Variants in ERICH3 observed in about 807,000 individuals in gnomAD.
ERICH3 encodes glutamate-rich protein 3.
ERICH3 carries 126 observed loss-of-function variants against 131.1 expected under a neutral mutation model. The observed-to-expected ratio is 0.96, with a 90% CI of 0.83 to 1.11. The LOEUF (loss-of-function observed/expected upper bound fraction) is 1.11, where lower values mean the gene tolerates loss of function less well. ERICH3 is among the 50% of genes most tolerant of loss of function. ERICH3 has a pLI of 0.00. For synonymous variants in ERICH3, 695 were observed against 644.6 expected (o/e 1.08, Z -1.18); for missense variants, 2,050 against 1,810.7 (o/e 1.13, Z -2.40).
At chr1:74,608,958 T>C (rs1238103340) in intron 9 of ERICH3, among the ~76,000 whole-genome samples, 1 of 152,054 alleles carries the variant, frequency 6.6e-6, no homozygotes, top group Non-Finnish European at 1.5e-5. Context: ...CCCTACTGCA[T>C]GCACAGACTT....
At position 74,572,376 on chromosome 1, in the gene ERICH3, C is replaced by T. The variant is rs757852992; in HGVS notation, c.3334G>A (p.Glu1112Lys). ...TTTGGGGGAGCTTTTGTCTCTTCCT[C>T]AGCTCTTACTTCTGTCTCTGTTTCC... ...EGETETEVRA[E>K]EETKAPPNEM... The change falls in exon 14 of 15, where the codon GAG (glutamate) becomes AAG (lysine). Residue 1112 changes from glutamate (E) to lysine (K), a missense_variant. Transcript: ENST00000326665. 5.6e-6 allele frequency: 9 copies of T among 1,613,834 alleles called. No homozygotes were observed. The highest frequency in any genetic ancestry group is 7.6e-6 in the Non-Finnish European group (9 of 1,180,024).
At chr1:74,646,334 G>A (rs1646482895) in intron 3 of ERICH3, among the ~76,000 whole-genome samples, 1 of 152,034 alleles carries the variant, frequency 6.6e-6, no homozygotes, top group Non-Finnish European at 1.5e-5. Context: ...GTATGTTTTA[G>A]AGTAGCCATT....
intron 12 of ERICH3, among the ~76,000 whole-genome samples, chr1:74,583,268 G>A (rs185468521): frequency 1.3e-5 from 2 of 152,196 alleles, no homozygotes; most frequent in African/African-American, 4.8e-5. Context: ...CCCCTTATCT[G>A]CAGGGTATAT....
intron 5 of ERICH3, among the ~76,000 whole-genome samples, chr1:74,640,904 A>G (rs971304117): frequency 3.3e-5 from 5 of 152,168 alleles, no homozygotes; most frequent in East Asian, 1.9e-4. Flanking sequence ...CAGAAAATAT[A>G]GAATATGTAT....
At chr1:74,579,137 C>A (rs1316619004) in intron 12 of ERICH3, among the ~76,000 whole-genome samples, 1 of 152,010 alleles carries the variant, frequency 6.6e-6, no homozygotes, top group Non-Finnish European at 1.5e-5. Flanking sequence ...AGTTAAATAT[C>A]ATTTTACTAT....
intron 8 of ERICH3, among the ~76,000 whole-genome samples, chr1:74,620,529 C>T (rs1319393922): frequency 6.6e-6 from 1 of 152,186 alleles, no homozygotes; most frequent in Non-Finnish European, 1.5e-5. Context: ...CAAATCCTTT[C>T]TTCCACAATC....
rs545973650 is a variant in ERICH3, at chr1:74,646,903, C to T, written c.118-111G>A. The T allele has an allele frequency of 2.9e-4, 79 of 268,284 alleles. 1 individual carries two copies. The highest frequency in any genetic ancestry group is 1.8e-3 in the African/African-American group (74 of 41,288). The allele number at this position is 268,284 out of a possible 1,614,324, so 16.6% of individuals were successfully genotyped here. Reference sequence around the variant, plus strand: ...GAAGACAGACAGACACACACACACACACACACACACACAGAGAGAGAAAGA... The same window carrying T: ...GAAGACAGACAGACACACACACACATACACACACACACAGAGAGAGAAAGA... On this transcript the variant is annotated intron_variant, in intron 2 of 14. Coordinates refer to ENST00000326665, the MANE Select transcript of ERICH3 (RefSeq NM_001002912.5).
intron 8 of ERICH3, among the ~76,000 whole-genome samples, chr1:74,618,138 G>T (rs1039105564): frequency 3.9e-5 from 6 of 152,042 alleles, no homozygotes; most frequent in African/African-American, 1.4e-4. Flanking sequence ...CTCTAGTCTG[G>T]GTGAGAGAGA....
At chr1:74,584,008 A>C (rs1481520690) in intron 12 of ERICH3, among the ~76,000 whole-genome samples, 1 of 152,180 alleles carries the variant, frequency 6.6e-6, no homozygotes, top group East Asian at 1.9e-4. Context: ...CACCATAAAG[A>C]TATGCCCAAC....
At chr1:74,587,317 T>G (rs893348915) in intron 12 of ERICH3, among the ~76,000 whole-genome samples, 1 of 92,448 alleles carries the variant, frequency 1.1e-5, no homozygotes, top group African/African-American at 5.1e-5. Context: ...AGAATGAGAC[T>G]CCATCTCAAA....
At chr1:74,627,109 T>C (rs1360663302) in intron 7 of ERICH3, among the ~76,000 whole-genome samples, 1 of 152,160 alleles carries the variant, frequency 6.6e-6, no homozygotes, top group Admixed American at 6.6e-5. Context: ...AACTCAAGTA[T>C]TAATGTAAAA....
chr1:74,587,025 G>A (rs910573744), intron 12 of ERICH3, among the ~76,000 whole-genome samples: 5 of 151,782 alleles, frequency 3.3e-5, no homozygotes, highest in East Asian at 1.9e-4. Flanking sequence ...CATATATTAC[G>A]GCTTAACAAA....
rs573198753 is a variant in ERICH3 at position 74,644,363 on chromosome 1, C to T, written c.244-1265G>A. Among the ~76,000 whole-genome samples the T allele has an allele frequency of 2.6e-5, 4 of 152,208 alleles. No homozygotes were observed. In the South Asian group the frequency reaches 8.3e-4, roughly 32 times the overall value. ...ACTTGCCACTTCCCTACTGCTGAAACTACTTTTGCCAAGTCCACCAATGTT... is the reference window on the plus strand; with the variant it reads ...ACTTGCCACTTCCCTACTGCTGAAATTACTTTTGCCAAGTCCACCAATGTT... On this transcript the variant is annotated intron_variant, in intron 3 of 14. Coordinates refer to ENST00000326665, the MANE Select transcript of ERICH3 (RefSeq NM_001002912.5).
At chr1:74,645,401 T>C (rs1388333142) in intron 3 of ERICH3, among the ~76,000 whole-genome samples, 1 of 151,714 alleles carries the variant, frequency 6.6e-6, no homozygotes, top group Non-Finnish European at 1.5e-5. Flanking sequence ...CTATTATGTT[T>C]ATATATTATT....
intron 12 of ERICH3, among the ~76,000 whole-genome samples, chr1:74,583,694 G>A (rs114088286): frequency 0.015 from 2,242 of 152,202 alleles, 55 homozygotes; most frequent in African/African-American, 0.052. Flanking sequence ...AATGGTTTAC[G>A]CCCTGAAACA....
intron 2 of ERICH3, among the ~76,000 whole-genome samples, chr1:74,648,655 C>T (rs1040039056): frequency 1.3e-5 from 2 of 152,044 alleles, no homozygotes; most frequent in African/African-American, 4.8e-5. Flanking sequence ...CTCTTTCTTT[C>T]CATGGAATAC....
chr1:74,609,003 C>CA (rs147414184), intron 9 of ERICH3, among the ~76,000 whole-genome samples: 2,529 of 152,100 alleles, frequency 0.017, 85 homozygotes, highest in African/African-American at 0.058. Context: ...ATTGGACAAA[C>CA]AAAGTGAGTA....
Position 74,650,391 on chromosome 1 carries a change from T to G in ERICH3, c.24-1076A>C, listed in dbSNP as rs550941860. ...TATCCTTCATTAATTATTCAGTAAC[T>G]TACAAAAACATGCACGCACATATGT... On this transcript the variant is annotated intron_variant, in intron 1 of 14. Coordinates refer to ENST00000326665, the MANE Select transcript of ERICH3 (RefSeq NM_001002912.5). 2.6e-5 allele frequency among the ~76,000 whole-genome samples: 4 copies of G among 152,148 alleles called. No individual in the cohort carries two copies. The South Asian group carries it at 8.3e-4, about 31-fold the overall frequency.
At chr1:74,652,634 T>G (rs1646547257) in intron 1 of ERICH3, among the ~76,000 whole-genome samples, 1 of 152,090 alleles carries the variant, frequency 6.6e-6, no homozygotes, top group South Asian at 2.1e-4. Context: ...TTGCAGCTTG[T>G]ATGTTACACT....
Sources: allele counts gnomAD v4.1 joint callset (sites outside exome capture counted in the v4.1 genomes callset), GRCh38; gene constraint gnomAD v4.1.1; transcripts MANE v1.5; gene names NCBI Gene and HGNC (gene_info 2026-07-23, HGNC 2026-07-21).